Variants in NMNAT2 observed in about 807,000 individuals in gnomAD.
NMNAT2 encodes the protein nicotinamide/nicotinic acid mononucleotide adenylyltransferase 2.
NMNAT2 carries 11 observed loss-of-function variants against 41.6 expected under a neutral mutation model. That is an observed-to-expected ratio of 0.26 (90% CI 0.17 to 0.44). The LOEUF is 0.44. Ranked by LOEUF, NMNAT2 falls within the 20% of genes least tolerant of loss-of-function variation. The pLI is 1.00. For missense variants in NMNAT2, 288 were observed against 407.7 expected, an observed-to-expected ratio of 0.71 and a Z score of 2.53; for synonymous variants, 148 against 151.2, an observed-to-expected ratio of 0.98 and a Z score of 0.16.
At chr1:183,385,550 C>A (rs1648211559) in intron 1 of NMNAT2, among the ~76,000 whole-genome samples, 1 of 151,668 alleles carries the variant, frequency 6.6e-6, no homozygotes, top group South Asian at 2.1e-4. Context: ...TGTGGCCTGG[C>A]ACCATCACAA....
intron 4 of NMNAT2, among the ~76,000 whole-genome samples, chr1:183,289,497 A>G (rs1244415898): frequency 2.6e-5 from 4 of 152,348 alleles, no homozygotes; most frequent in Non-Finnish European, 4.4e-5. Context: ...GCTCTCGCCT[A>G]TCTGTGTTCA....
chr1:183,341,416 G>T (rs1434235423), intron 1 of NMNAT2, among the ~76,000 whole-genome samples: 3 of 150,556 alleles, frequency 2.0e-5, no homozygotes, highest in East Asian at 3.9e-4. Flanking sequence ...GGTGACTCAC[G>T]TCTGTAATCC....
intron 1 of NMNAT2, among the ~76,000 whole-genome samples, chr1:183,313,813 A>C (rs182473906): frequency 6.6e-6 from 1 of 152,296 alleles, no homozygotes; most frequent in African/African-American, 2.4e-5. Context: ...TTAAAATCCA[A>C]CAACAACAGC....
intron 1 of NMNAT2, among the ~76,000 whole-genome samples, chr1:183,294,561 G>C (rs564415141): frequency 4.9e-4 from 75 of 152,340 alleles, no homozygotes; most frequent in African/African-American, 1.7e-3. Context: ...GGGAGGCCGA[G>C]GCAGGTGGAT....
At chr1:183,416,926 C>A (rs1408312951) in intron 1 of NMNAT2, among the ~76,000 whole-genome samples, 2 of 152,148 alleles carry the variant, frequency 1.3e-5, no homozygotes, top group Non-Finnish European at 2.9e-5. Flanking sequence ...GCGCGCCCTG[C>A]ATTTCAGCAC....
At chr1:183,400,786 C>A (rs554171696) in intron 1 of NMNAT2, among the ~76,000 whole-genome samples, 1 of 152,236 alleles carries the variant, frequency 6.6e-6, no homozygotes, top group Non-Finnish European at 1.5e-5. Flanking sequence ...TGATCTTTGA[C>A]AAACCTGACA....
intron 1 of NMNAT2, among the ~76,000 whole-genome samples, chr1:183,409,266 T>C (rs1008626954): frequency 3.3e-5 from 5 of 152,190 alleles, no homozygotes; most frequent in African/African-American, 9.7e-5. Context: ...TGTCACTTTA[T>C]TGAGTTTTTT....
intron 10 of NMNAT2, among the ~76,000 whole-genome samples, chr1:183,258,163 G>C (rs943248943): frequency 3.9e-5 from 6 of 152,100 alleles, no homozygotes; most frequent in African/African-American, 1.2e-4. Context: ...GACACATTTT[G>C]GCTTCTGCAC....
chr1:183,271,298 A>G (rs191485903), intron 8 of NMNAT2, among the ~76,000 whole-genome samples: 1 of 152,154 alleles, frequency 6.6e-6, no homozygotes, highest in South Asian at 2.1e-4. Flanking sequence ...ACCTATTTCA[A>G]CCAACCAGAA....
chr1:183,325,586 T>A (rs1662444562), intron 1 of NMNAT2, among the ~76,000 whole-genome samples: 1 of 152,230 alleles, frequency 6.6e-6, no homozygotes, highest in Non-Finnish European at 1.5e-5. Flanking sequence ...GTTTTACACC[T>A]GGGCTGGAGT....
chr1:183,395,322 C>T (rs1022664622), intron 1 of NMNAT2, among the ~76,000 whole-genome samples: 1 of 151,576 alleles, frequency 6.6e-6, no homozygotes, highest in East Asian at 2.0e-4. Flanking sequence ...ACTTGATGTG[C>T]AGCCACATCA....
At chr1:183,330,444 G>T (rs1024283524) in intron 1 of NMNAT2, among the ~76,000 whole-genome samples, 1 of 152,190 alleles carries the variant, frequency 6.6e-6, no homozygotes, top group African/African-American at 2.4e-5. Flanking sequence ...CAGAACAAAG[G>T]AGGGTGGGAC....
intron 8 of NMNAT2, among the ~76,000 whole-genome samples, chr1:183,265,505 T>G (rs1174918960): frequency 6.6e-6 from 1 of 152,080 alleles, no homozygotes; most frequent in Non-Finnish European, 1.5e-5. Context: ...GACCTCATGA[T>G]CCACCTCCCT....
chr1:183,309,133 G>A (rs1662055461), intron 1 of NMNAT2, among the ~76,000 whole-genome samples: 1 of 152,146 alleles, frequency 6.6e-6, no homozygotes. Flanking sequence ...CCGAGTAGCA[G>A]GGACTATAGG....
chr1:183,294,056 A>G (rs1420449302), intron 1 of NMNAT2, among the ~76,000 whole-genome samples: 1 of 152,254 alleles, frequency 6.6e-6, no homozygotes, highest in Non-Finnish European at 1.5e-5. Flanking sequence ...GAGCCAGTGT[A>G]GCTCAGAAGG....
chr1:183,303,120 C>A (rs547213214), intron 1 of NMNAT2, among the ~76,000 whole-genome samples: 1 of 152,200 alleles, frequency 6.6e-6, no homozygotes, highest in Non-Finnish European at 1.5e-5. Flanking sequence ...CCTACTGAAG[C>A]CTCCTTTTCT....
At chr1:183,408,919 A>C (rs1649040847) in intron 1 of NMNAT2, among the ~76,000 whole-genome samples, 1 of 152,334 alleles carries the variant, frequency 6.6e-6, no homozygotes, top group East Asian at 1.9e-4. Flanking sequence ...GTGATGAGCT[A>C]TGCACTGCTA....
In NMNAT2 at chr1:183,278,860, T is replaced by C. The variant is rs188759783; in HGVS notation, c.575-231A>G. ...CATCCCCTGTGGGAGGAATTACTCATGCAAGGAGAGTAGAGCATAGCGGGT... is the reference window on the plus strand; with the variant it reads ...CATCCCCTGTGGGAGGAATTACTCACGCAAGGAGAGTAGAGCATAGCGGGT... On this transcript the variant is annotated intron_variant, in intron 7 of 10. Coordinates refer to ENST00000287713, the MANE Select transcript of NMNAT2 (RefSeq NM_015039.4). 1.7e-4 allele frequency among the ~76,000 whole-genome samples: 26 copies of C among 152,296 alleles called. No individual in the cohort carries two copies. The East Asian group carries it at 5.0e-3, about 29-fold the overall frequency.
At position 183,252,747 on chromosome 1, in the gene NMNAT2, C is replaced by T. The variant is rs1386929179; in HGVS notation, c.822-4G>A. 1.2e-6 allele frequency: 2 copies of T among 1,610,784 alleles called. No homozygotes were observed. The highest frequency in any genetic ancestry group is 1.7e-6 in the Non-Finnish European group (2 of 1,177,074). ...GTCCCCATGCTGCAGGGCCAGCCTG[C>T]ACAAGAAGAGATGACAATCAGATGG... On this transcript the variant is annotated splice_polypyrimidine_tract_variant and splice_region_variant and intron_variant, in intron 10 of 10. Transcript: ENST00000287713.
Sources: allele counts gnomAD v4.1 joint callset (sites outside exome capture counted in the v4.1 genomes callset), GRCh38; gene constraint gnomAD v4.1.1; transcripts MANE v1.5; gene names NCBI Gene and HGNC (gene_info 2026-07-23, HGNC 2026-07-21).